The following PPM1F variants were observed in gnomAD, a reference collection of about 807,000 sequenced individuals.
PPM1F encodes protein phosphatase, Mg2+/Mn2+ dependent 1F, also known as protein phosphatase 1F.
A neutral mutation model predicts 35.5 loss-of-function variants in PPM1F; 17 were observed. That is an observed-to-expected ratio of 0.48 (90% CI 0.33 to 0.72). PPM1F has a LOEUF of 0.72. Among genes scored for constraint, PPM1F ranks in the 30% least tolerant of loss-of-function variants. The pLI, the probability that PPM1F is intolerant of heterozygous loss-of-function variation, is 0.02. For missense variants in PPM1F, 521 were observed against 613.0 expected (o/e 0.85, Z 1.59); for synonymous variants, 241 against 255.5 (o/e 0.94, Z 0.54).
intron 2 of PPM1F, chr22:21,944,635 G>C (rs2070759339): frequency 1.3e-5 from 2 of 152,236 alleles, no homozygotes; most frequent in Admixed American, 6.5e-5. Context: ...CCACCAGCCT[G>C]CTCACCTCCA....
chr22:21,948,199 A>G (rs909026179), intron 1 of PPM1F: 4 of 151,960 alleles, frequency 2.6e-5, no homozygotes, highest in Non-Finnish European at 4.4e-5. Flanking sequence ...ACAACTGGCA[A>G]GGCGCTGTGG....
chr22:21,949,032 C>G (rs1430171813), intron 1 of PPM1F: 1 of 152,440 alleles, frequency 6.6e-6, no homozygotes, highest in Non-Finnish European at 1.5e-5. Flanking sequence ...CACTACAGAC[C>G]CTGATTCACT....
At chr22:21,938,685 G>C in intron 3 of PPM1F, 1 of 844,132 alleles carries the variant, frequency 1.2e-6, no homozygotes, top group Non-Finnish European at 1.4e-6. Flanking sequence ...GCCTGTCCAG[G>C]GACAACTATT....
rs746565007 is a variant in PPM1F at position 21,923,171 on chromosome 22, T to G, written c.1286A>C (p.Asp429Ala). Reference protein sequence around the residue: ...LLEGGNQGEGDPQAEGRRQDL... With the variant: ...LLEGGNQGEGAPQAEGRRQDL... ...CTGCCTCCTCCCTTCTGCCTGGGGGTCCCCTTCTCCCTGGTTCCCGCCCTC... is the reference window on the plus strand; with the variant it reads ...CTGCCTCCTCCCTTCTGCCTGGGGGGCCCCTTCTCCCTGGTTCCCGCCCTC... Residue 429 changes from aspartate (D) to alanine (A), a missense_variant, in exon 8 of 8, where the codon GAC becomes GCC. By Grantham distance (126) the Asp-to-Ala change is moderately radical. Coordinates refer to ENST00000263212, the MANE Select transcript of PPM1F (RefSeq NM_014634.4). 1.9e-6 allele frequency: 3 copies of G among 1,613,118 alleles called. No individual in the cohort carries two copies. In the South Asian group the frequency reaches 3.3e-5, roughly 18 times the overall value.
intron 7 of PPM1F, among the ~76,000 whole-genome samples, chr22:21,924,080 CT>C (rs1207537216): frequency 6.6e-6 from 1 of 152,030 alleles, no homozygotes; most frequent in Non-Finnish European, 1.5e-5. Context: ...TGAGGATGGG[CT>C]GTCAAGAAGG....
chr22:21,945,995 C>T lies in PPM1F; in HGVS notation c.54G>A (p.Glu18=), dbSNP rs765430160. Residue 18 remains glutamate, a synonymous_variant, in exon 2 of 8, where the codon GAG becomes GAA. Coordinates refer to ENST00000263212, the MANE Select transcript of PPM1F (RefSeq NM_014634.4). ...KSSPMASGAE[E]TPGFLDTLLQ... ...GGAGCGTGTCCAGGAAGCCTGGGGT[C>T]TCCTCAGCTCCACTGGCCATTGGGC... 1.2e-6 allele frequency: 2 copies of T among 1,603,194 alleles called. No homozygotes were observed. Among genetic ancestry groups the T allele is most frequent in the Admixed American group, 1.7e-5 (1 of 58,922 alleles).
At chr22:21,947,803 G>C (rs760007387) in intron 1 of PPM1F, 2 of 152,238 alleles carry the variant, frequency 1.3e-5, no homozygotes, top group Non-Finnish European at 2.9e-5. Flanking sequence ...GCCCACAAGA[G>C]GGCTGTCCTT....
At chr22:21,952,686 C>T (rs901820357) in intron 1 of PPM1F, 106 bp downstream of exon 1, 1 of 152,874 alleles carries the variant, frequency 6.5e-6, no homozygotes, top group Non-Finnish European at 1.5e-5. Flanking sequence ...TGATTCCACC[C>T]CTCCGGTTCC....
At chr22:21,943,810 G>C (rs2070750509) in intron 2 of PPM1F, 1 of 152,272 alleles carries the variant, frequency 6.6e-6, no homozygotes, top group Admixed American at 6.5e-5. Context: ...TGTGCCCCAC[G>C]CAGGCCCAGC....
At chr22:21,942,466 T>A (rs2070735721) in intron 2 of PPM1F, 1 of 152,128 alleles carries the variant, frequency 6.6e-6, no homozygotes, top group African/African-American at 2.4e-5. Flanking sequence ...AAAGGGTGAC[T>A]CATGGGAGAA....
intron 1 of PPM1F, chr22:21,949,572 A>G (rs1365146678): frequency 6.6e-6 from 1 of 152,616 alleles, no homozygotes; most frequent in Non-Finnish European, 1.5e-5. Context: ...GCCAGCGGCA[A>G]GCCGCAGGGA....
At position 21,934,085 on chromosome 22, in the gene PPM1F, C is replaced by G. The variant is rs781432214; in HGVS notation, c.497G>C (p.Arg166Pro). 1.3e-6 allele frequency: 2 copies of G among 1,564,198 alleles called. No homozygotes were observed. Among genetic ancestry groups the G allele is most frequent in the Non-Finnish European group, 1.7e-6 (2 of 1,154,392 alleles). ...CACGTGCCGGTCCTCCATCTTGCGGCGAGTGTTCCGGATGGCGTGGATGGA... is the reference window on the plus strand; with the variant it reads ...CACGTGCCGGTCCTCCATCTTGCGGGGAGTGTTCCGGATGGCGTGGATGGA... ...LVSIHAIRNT[R>P]RKMEDRHVSL... The change falls in exon 4 of 8, where the codon CGC becomes CCC. Residue 166 changes from arginine (R) to proline (P), a missense_variant. Around this residue, in one of 3 missense-constraint regions of PPM1F, gnomAD observed 311 missense variants for 351.5 expected, o/e 0.88. Coordinates refer to ENST00000263212, the MANE Select transcript of PPM1F (RefSeq NM_014634.4).
intron 6 of PPM1F, among the ~76,000 whole-genome samples, chr22:21,929,478 C>T (rs1012225438): frequency 4.6e-5 from 7 of 152,208 alleles, no homozygotes; most frequent in South Asian, 2.1e-4. Flanking sequence ...TGCTCTGCCA[C>T]GACGCCATAC....
At chr22:21,936,064 G>A (rs936697754) in intron 3 of PPM1F, 1 of 152,210 alleles carries the variant, frequency 6.6e-6, no homozygotes, top group African/African-American at 2.4e-5. Flanking sequence ...AGCTATTCGG[G>A]AGGCTGGGGC....
In PPM1F at chr22:21,934,203, G is replaced by T; in HGVS notation, c.379C>A (p.Gln127Lys). 1 of 1,574,030 alleles carries T rather than the reference G, an allele frequency of 6.4e-7. No individual in the cohort carries two copies. The highest frequency in any genetic ancestry group is 8.6e-7 in the Non-Finnish European group (1 of 1,159,186). Residue 127 changes from glutamine to lysine, a missense_variant, in exon 4 of 8, where the codon CAG (glutamine) becomes AAG (lysine). This residue lies in a region of PPM1F where 311 missense variants were observed against 351.5 expected (regional missense o/e 0.88). Transcript: ENST00000263212. The stretch of plus-strand genomic sequence containing the variant: ...TCCCAAAGGCGGTTAAAGAAACTCT[G>T]TGCCAGGCTTTGGGCATCCAGCACT... ...VTLLDAQSLA[Q>K]SFFNRLWEVA...
intron 3 of PPM1F, chr22:21,938,410 G>A: frequency 8.7e-7 from 1 of 1,155,442 alleles, no homozygotes; most frequent in Non-Finnish European, 1.1e-6. Context: ...TGCGCTCCCA[G>A]GGAATGCGGG....
intron 2 of PPM1F, chr22:21,942,675 T>G (rs2070738038): frequency 6.6e-6 from 1 of 152,304 alleles, no homozygotes; most frequent in Non-Finnish European, 1.5e-5. Flanking sequence ...GGAGGCAGTT[T>G]CCGGCTGTGG....
intron 6 of PPM1F, among the ~76,000 whole-genome samples, chr22:21,929,134 C>A (rs758086898): frequency 6.6e-6 from 1 of 152,132 alleles, no homozygotes; most frequent in Non-Finnish European, 1.5e-5. Flanking sequence ...CTCTTGTAAC[C>A]GACATGATGC....
At chr22:21,945,178 G>A (rs1050740423) in intron 2 of PPM1F, 1 of 152,304 alleles carries the variant, frequency 6.6e-6, no homozygotes, top group African/African-American at 2.4e-5. Context: ...TGGAGTTAAA[G>A]TCTTTGCAAA....
Sources: allele counts gnomAD v4.1 joint callset (sites outside exome capture counted in the v4.1 genomes callset), GRCh38; gene constraint gnomAD v4.1.1; regional missense constraint gnomAD v4.1.1; transcripts MANE v1.5; gene names NCBI Gene and HGNC (gene_info 2026-07-23, HGNC 2026-07-21).